The following RIPK4 variants were observed in gnomAD, a reference collection of about 807,000 sequenced individuals.
The protein encoded by RIPK4 is receptor interacting serine/threonine kinase 4, also known as receptor-interacting serine/threonine-protein kinase 4.
Under a neutral mutation model 42.9 loss-of-function variants are expected in RIPK4, and 17 were observed. That is an observed-to-expected ratio of 0.40 (90% CI 0.27 to 0.59). The LOEUF is 0.59. Among genes scored for constraint, RIPK4 ranks in the 20% least tolerant of loss-of-function variants. RIPK4 has a pLI of 0.47. For missense variants in RIPK4, 897 were observed against 1,104.4 expected (o/e 0.81, Z 2.66); for synonymous variants, 498 against 499.1 (o/e 1.00, Z 0.03).
chr21:41,756,756 G>A lies in RIPK4; in HGVS notation c.243C>T (p.Ile81=). ...CGCGGCAGATGCCATACACAGGCAG[G>A]ATGTAGCGAAACTTGGCCATCTCCA... ...KKMEMAKFRY[I]LPVYGICREP... The change falls in exon 2 of 8, where the codon ATC becomes ATT. Residue 81 remains isoleucine, a synonymous_variant. Coordinates refer to ENST00000332512, the MANE Select transcript of RIPK4 (RefSeq NM_020639.3). 1.2e-6 allele frequency: 2 copies of A among 1,614,174 alleles called. No homozygotes were observed. The highest frequency in any genetic ancestry group is 1.7e-6 in the Non-Finnish European group (2 of 1,180,010).
intron 3 of RIPK4, among the ~76,000 whole-genome samples, chr21:41,749,621 A>G (rs1401090489): frequency 2.6e-5 from 4 of 152,208 alleles, no homozygotes; most frequent in East Asian, 1.9e-4. Flanking sequence ...CCCTCCCCCA[A>G]CAATGATTTC....
Position 41,756,734 on chromosome 21 carries a change from G to T in RIPK4, c.265C>A (p.Arg89Ser). The T allele has an allele frequency of 6.2e-7, 1 of 1,614,198 alleles. No homozygotes were observed. The highest frequency in any genetic ancestry group is 8.5e-7 in the Non-Finnish European group (1 of 1,180,048). Residue 89 changes from arginine (R) to serine (S), a missense_variant, in exon 2 of 8, where the codon CGC (arginine) becomes AGC (serine). By Grantham distance (110) the Arg-to-Ser change is moderately radical. Coordinates refer to ENST00000332512, the MANE Select transcript of RIPK4 (RefSeq NM_020639.3). The part of the protein sequence containing the change: ...RYILPVYGIC[R>S]EPVGLVMEYM... Reference sequence around the variant, plus strand: ...TCCATGACCAGGCCGACAGGTTCGCGGCAGATGCCATACACAGGCAGGATG... The same window carrying T: ...TCCATGACCAGGCCGACAGGTTCGCTGCAGATGCCATACACAGGCAGGATG...
rs762531306 is a variant in RIPK4 at position 41,743,911 on chromosome 21, A to G, written c.1166T>C (p.Leu389Pro). 6.2e-7 allele frequency: 1 copy of G among 1,610,698 alleles called. No individual in the cohort carries two copies. The highest frequency in any genetic ancestry group is 8.5e-7 in the Non-Finnish European group (1 of 1,178,498). ...GGTTGAAGGTTCCCGCTCAAAGGAC[A>G]GCGACAGTGATCCTCTGGAAGAGAA... Reference protein sequence around the residue: ...SAFSSRGSLSLSFEREPSTSD... With the variant: ...SAFSSRGSLSPSFEREPSTSD... Residue 389 changes from leucine to proline, a missense_variant, in exon 7 of 8, where the codon CTG becomes CCG. Coordinates refer to ENST00000332512, the MANE Select transcript of RIPK4 (RefSeq NM_020639.3).
intron 7 of RIPK4, among the ~76,000 whole-genome samples, chr21:41,743,330 T>A (rs1601674761): frequency 6.6e-6 from 1 of 152,168 alleles, no homozygotes; most frequent in East Asian, 1.9e-4. Context: ...GCCATCAAAA[T>A]TAACATAAAA....
At position 41,741,842 on chromosome 21, in the gene RIPK4, C is replaced by G; in HGVS notation, c.1351G>C (p.Glu451Gln). The G allele has an allele frequency of 6.2e-7, 1 of 1,612,498 alleles. No homozygotes were observed. The change falls in exon 8 of 8, where the codon GAG becomes CAG. Residue 451 changes from glutamate to glutamine, a missense_variant. Transcript: ENST00000332512. ...AGCAGCAGCCACTTGGCGCACTCCT[C>G]TTGCCCGGCCTCCACCGCCAGGTGC... ...LLHLAVEAGQ[E>Q]ECAKWLLLNN...
At chr21:41,748,474 G>C (rs1405267540) in intron 4 of RIPK4, among the ~76,000 whole-genome samples, 1 of 152,220 alleles carries the variant, frequency 6.6e-6, no homozygotes, top group Non-Finnish European at 1.5e-5. Context: ...TGTTCGGAAT[G>C]GTGGCTGCCT....
Position 41,767,034 on chromosome 21 carries a change from C to A in RIPK4, c.8G>T (p.Gly3Val), listed in dbSNP as rs762522699. The A allele has an allele frequency of 5.7e-6, 9 of 1,573,018 alleles. No individual in the cohort carries two copies. The Admixed American group carries it at 7.2e-5, about 13-fold the overall frequency. ...CAGGGCCCATGGGGTCCCGCCGTCG[C>A]CCTCCATCGCGCACGTCTAGCCAGC... MEGDGGTPWALAL... is the reference protein window; with the variant it reads MEVDGGTPWALAL... Residue 3 changes from glycine (G) to valine (V), a missense_variant, in exon 1 of 8, where the codon GGC (glycine) becomes GTC (valine). Transcript: ENST00000332512. The surrounding 1 kb of genome is among the most constrained non-coding windows in gnomAD (Gnocchi z 4.0).
At chr21:41,748,544 A>T (rs1039785835) in intron 4 of RIPK4, among the ~76,000 whole-genome samples, 8 of 152,094 alleles carry the variant, frequency 5.3e-5, no homozygotes, top group Non-Finnish European at 1.2e-4. Flanking sequence ...CCTGCAAGCA[A>T]CTCCATGGCA....
rs2061203953 is a variant in RIPK4 at position 41,756,534 on chromosome 21, G to T, written c.465C>A (p.Tyr155Ter). Residue 155 changes from tyrosine (Y) to a stop codon, truncating the protein, a stop_gained, in exon 2 of 8, where the codon TAC becomes TAA. Transcript: ENST00000332512. LOFTEE classifies it high-confidence loss of function. ...CCGTGCGGCCCCCCACCTTGACGTG[G>T]TAGTGGGCATCCAGCAGGATGTTCG... ...KPANILLDAH[Y>*]HVKISDFGLA... 1 of 1,612,274 alleles carries T rather than the reference G, an allele frequency of 6.2e-7. No individual in the cohort carries two copies. Among genetic ancestry groups the T allele is most frequent in the African/African-American group, 1.3e-5 (1 of 74,904 alleles).
At position 41,751,266 on chromosome 21, in the gene RIPK4, CG is replaced by C. The variant is rs757691962; in HGVS notation, c.475-22del. The C allele has an allele frequency of 2.7e-5, 44 of 1,612,916 alleles. 1 individual carries two copies. Among genetic ancestry groups the C allele is most frequent in the Non-Finnish European group, 3.5e-5 (41 of 1,179,344 alleles). The stretch of plus-strand genomic sequence containing the variant: ...GAAATCTGCAACACAGCCATCAGAG[CG>C]GGGCTCATTAGCCTGCAACAGTGAT... On this transcript the variant is annotated intron_variant, in intron 2 of 7. Transcript: ENST00000332512. The surrounding 1 kb of genome is among the most constrained non-coding windows in gnomAD (Gnocchi z 4.5).
chr21:41,757,733 G>T (rs1413099928), intron 1 of RIPK4, among the ~76,000 whole-genome samples: 2 of 151,454 alleles, frequency 1.3e-5, no homozygotes, highest in African/African-American at 4.9e-5. Context: ...GGGTGTGATG[G>T]CTCATGCCTG....
At position 41,751,214 on chromosome 21, in the gene RIPK4, C is replaced by T. The variant is rs866433644; in HGVS notation, c.506G>A (p.Gly169Glu). 6.2e-7 allele frequency: 1 copy of T among 1,614,120 alleles called. No homozygotes were observed. Among genetic ancestry groups the T allele is most frequent in the Non-Finnish European group, 8.5e-7 (1 of 1,180,038 alleles). The change falls in exon 3 of 8, where the codon GGG becomes GAG. Residue 169 changes from glycine to glutamate, a missense_variant. Coordinates refer to ENST00000332512, the MANE Select transcript of RIPK4 (RefSeq NM_020639.3). The surrounding 1 kb of genome is among the most constrained non-coding windows in gnomAD (Gnocchi z 4.5). The part of the protein sequence containing the change: ...ISDFGLAKCN[G>E]LSHSHDLSMD... ...GCTGAGGTCATGCGAGTGGGACAGC[C>T]CGTTGCACTTGGCCAGACCAAAATC...
chr21:41,753,062 T>A (rs1244291767), intron 2 of RIPK4, among the ~76,000 whole-genome samples: 1 of 152,084 alleles, frequency 6.6e-6, no homozygotes, highest in Non-Finnish European at 1.5e-5. Flanking sequence ...CCTCCCCCTG[T>A]ATGGTTGAAT....
At chr21:41,747,390 T>C (rs113986322) in intron 4 of RIPK4, among the ~76,000 whole-genome samples, 8,201 of 152,268 alleles carry the variant, frequency 0.054, 306 homozygotes, top group Non-Finnish European at 0.084. Context: ...TAGCTTATTA[T>C]TATTATTGCC....
At chr21:41,760,899 G>T (rs574237119) in intron 1 of RIPK4, among the ~76,000 whole-genome samples, 2 of 152,348 alleles carry the variant, frequency 1.3e-5, no homozygotes, top group Non-Finnish European at 2.9e-5. Context: ...AGCACGGCCT[G>T]CTTTCCTAGC....
At position 41,743,752 on chromosome 21, in the gene RIPK4, G is replaced by A. The variant is rs1277536626; in HGVS notation, c.1195+130C>T. ...CACAAAATTAATTACTTAAGACAGAGAGAACACAAAGAAGAATTCTTGCTG... is the reference window on the plus strand; with the variant it reads ...CACAAAATTAATTACTTAAGACAGAAAGAACACAAAGAAGAATTCTTGCTG... On this transcript the variant is annotated intron_variant, in intron 7 of 7. Transcript: ENST00000332512. 11 of 1,205,402 alleles carry A rather than the reference G, an allele frequency of 9.1e-6. No individual in the cohort carries two copies. The East Asian group carries it at 1.9e-4, about 21-fold the overall frequency. 74.7% of individuals were successfully genotyped at this position (1,205,402 alleles called of 1,614,324 possible).
intron 2 of RIPK4, 73 bp downstream of exon 2, chr21:41,756,452 C>T: frequency 6.5e-7 from 1 of 1,538,734 alleles, no homozygotes; most frequent in African/African-American, 1.4e-5. Flanking sequence ...CAGGGCTTGA[C>T]CCCTTGATAC....
At chr21:41,763,847 GCTT>G (rs1466811889) in intron 1 of RIPK4, among the ~76,000 whole-genome samples, 1 of 152,214 alleles carries the variant, frequency 6.6e-6, no homozygotes, top group East Asian at 1.9e-4. Flanking sequence ...GCAGGCACTG[GCTT>G]CTTCTGAGCA....
Position 41,751,210 on chromosome 21 carries a change from C to A in RIPK4, c.510G>T (p.Leu170=), listed in dbSNP as rs142075883. The A allele has an allele frequency of 6.2e-7, 1 of 1,614,238 alleles. No individual in the cohort carries two copies. Among genetic ancestry groups the A allele is most frequent in the South Asian group, 1.1e-5 (1 of 91,088 alleles). The change falls in exon 3 of 8, where the codon CTG becomes CTT. Residue 170 remains leucine (L), a synonymous_variant. Transcript: ENST00000332512. This position sits in a 1 kb window ranked among gnomAD's most constrained non-coding sequence, Gnocchi z 4.5. ...SDFGLAKCNG[L]SHSHDLSMDG... is the part of the protein sequence containing the mutation. ...CCATGCTGAGGTCATGCGAGTGGGA[C>A]AGCCCGTTGCACTTGGCCAGACCAA...
Sources: gnomAD v4.1 joint callset for allele counts (sites outside exome capture counted in the v4.1 genomes callset) on GRCh38, gnomAD v4.1.1 for gene constraint, Gnocchi (gnomAD v3.1) non-coding constraint, MANE v1.5 for transcripts, NCBI Gene and HGNC (gene_info 2026-07-23, HGNC 2026-07-21) for gene names.